Variants in PTPRN2 observed in about 807,000 individuals in gnomAD.
The protein encoded by PTPRN2 is protein tyrosine phosphatase receptor type N2.
Under a neutral mutation model 118.8 loss-of-function variants are expected in PTPRN2, and 74 were observed. The ratio of observed to expected loss-of-function variants is 0.62; its 90% confidence interval spans 0.52 to 0.76. The LOEUF (loss-of-function observed/expected upper bound fraction) is 0.76. PTPRN2 is among the 30% of genes least tolerant of loss of function. PTPRN2 has a pLI of 0.00. For synonymous variants in PTPRN2, 641 were observed against 608.0 expected, an observed-to-expected ratio of 1.05 and a Z score of -0.80; for missense variants, 1,481 against 1,394.4, an observed-to-expected ratio of 1.06 and a Z score of -0.99.
intron 11 of PTPRN2, among the ~76,000 whole-genome samples, chr7:158,071,583 C>CGTGG (rs1554528515): frequency 2.8e-4 from 3 of 10,648 alleles, no homozygotes; most frequent in Non-Finnish European, 3.3e-4. Flanking sequence ...GGAGGTGCTC[C>CGTGG]TGGTGGAGGT....
intron 1 of PTPRN2, among the ~76,000 whole-genome samples, chr7:158,543,368 C>G (rs1449544227): frequency 6.6e-6 from 1 of 152,244 alleles, no homozygotes; most frequent in African/African-American, 2.4e-5. Flanking sequence ...GCCGGCTGTT[C>G]CCAGCAGGGC....
At chr7:157,593,990 C>T (rs183528314) in intron 17 of PTPRN2, among the ~76,000 whole-genome samples, 26 of 152,332 alleles carry the variant, frequency 1.7e-4, no homozygotes, top group South Asian at 1.0e-3. Flanking sequence ...GGCAGGAGGT[C>T]ATACCGATGT....
At chr7:158,352,431 C>T (rs902496130) in intron 2 of PTPRN2, among the ~76,000 whole-genome samples, 1 of 152,222 alleles carries the variant, frequency 6.6e-6, no homozygotes, top group East Asian at 1.9e-4. Flanking sequence ...ACCCAAGGAT[C>T]AGCTTCGATA....
chr7:157,801,654 A>C lies in PTPRN2; in HGVS notation c.1788+97019T>G, dbSNP rs7803301. ...AGGCCTAAAAATAATAATTTTCTCT[A>C]GGGAAAAATTTGATGGGCACGCTAT... On this transcript the variant is annotated intron_variant, in intron 12 of 22. Transcript: ENST00000389418. The surrounding 1 kb of genome is among the most constrained non-coding windows in gnomAD (Gnocchi z 4.2). Among the ~76,000 whole-genome samples the C allele has an allele frequency of 0.23, 35,480 of 152,078 alleles. 4,322 individuals are homozygous for C. Among genetic ancestry groups the C allele is most frequent in the Middle Eastern group, 0.28 (83 of 294 alleles).
At chr7:158,121,662 A>G (rs550185183) in intron 9 of PTPRN2, among the ~76,000 whole-genome samples, 3 of 152,352 alleles carry the variant, frequency 2.0e-5, no homozygotes, top group South Asian at 2.1e-4. Context: ...GGAAACCAAC[A>G]GAAGCATCCA....
chr7:157,810,664 G>C (rs1210731591), intron 12 of PTPRN2, among the ~76,000 whole-genome samples: 1 of 127,370 alleles, frequency 7.9e-6, no homozygotes, highest in Non-Finnish European at 1.6e-5. Context: ...ACTGCTGGGG[G>C]CTGGGCTCTT....
chr7:157,841,944 C>A (rs543971818), intron 12 of PTPRN2, among the ~76,000 whole-genome samples: 1 of 152,056 alleles, frequency 6.6e-6, no homozygotes, highest in Non-Finnish European at 1.5e-5. Flanking sequence ...CTCCCTTTCT[C>A]TCCCCCATAA....
intron 3 of PTPRN2, among the ~76,000 whole-genome samples, chr7:158,315,801 G>C (rs1802272227): frequency 6.6e-6 from 1 of 152,250 alleles, no homozygotes; most frequent in Non-Finnish European, 1.5e-5. Flanking sequence ...GAAGTACTAA[G>C]ATATGAATGT....
In PTPRN2 at chr7:157,615,107, A is replaced by AT. The variant is rs1802671641; in HGVS notation, c.2344+6254_2344+6255insA. Among the ~76,000 whole-genome samples, 1 of 152,226 alleles carries AT rather than the reference A, an allele frequency of 6.6e-6. No individual in the cohort carries two copies. Among genetic ancestry groups the AT allele is most frequent in the Non-Finnish European group, 1.5e-5 (1 of 68,036 alleles). On this transcript the variant is annotated intron_variant, in intron 15 of 22. Transcript: ENST00000389418. This position sits in a 1 kb window ranked among gnomAD's most constrained non-coding sequence, Gnocchi z 4.3. ...ACTTGAAGTCGTCCAGCCAGAAAAT[A>AT]AATGAAGTGCTCGCAGGTCACGCTA...
chr7:158,412,719 C>A (rs1257250036), intron 2 of PTPRN2, among the ~76,000 whole-genome samples: 1 of 135,450 alleles, frequency 7.4e-6, no homozygotes, highest in African/African-American at 2.8e-5. Context: ...CTCCAGGGCC[C>A]ATCCAGCGCC....
At chr7:158,062,404 G>A (rs139920755) in intron 11 of PTPRN2, among the ~76,000 whole-genome samples, 320 of 152,346 alleles carry the variant, frequency 2.1e-3, no homozygotes, top group African/African-American at 7.3e-3. Context: ...AGGTGATGGC[G>A]TGCTGGCAGC....
intron 1 of PTPRN2, among the ~76,000 whole-genome samples, chr7:158,548,494 C>T (rs574652593): frequency 4.6e-5 from 7 of 152,352 alleles, no homozygotes; most frequent in South Asian, 2.1e-4. Flanking sequence ...CACCGAGCTC[C>T]GCCCGCTCTT....
rs1192520059 is a variant in PTPRN2, at chr7:157,583,436, G to A, written c.2497-5296C>T. Among the ~76,000 whole-genome samples, 1 of 152,130 alleles carries A rather than the reference G, an allele frequency of 6.6e-6. No homozygotes were observed. The highest frequency in any genetic ancestry group is 2.4e-5 in the African/African-American group (1 of 41,436). ...AGTTAATAAGAGTGTTGGGCACAGA[G>A]ATTTGCCAGGAGAGTAGGCTTCAGG... is the stretch of plus-strand genomic sequence containing the variant. On this transcript the variant is annotated intron_variant, in intron 17 of 22. Coordinates refer to ENST00000389418, the MANE Select transcript of PTPRN2 (RefSeq NM_002847.5). This position sits in a 1 kb window ranked among gnomAD's most constrained non-coding sequence, Gnocchi z 5.5.
intron 11 of PTPRN2, among the ~76,000 whole-genome samples, chr7:158,043,301 A>T (rs1205365946): frequency 2.6e-5 from 4 of 152,230 alleles, no homozygotes; most frequent in Non-Finnish European, 4.4e-5. Flanking sequence ...GACAGAAAAA[A>T]GTGTCACCTT....
At chr7:158,255,345 T>C (rs1796955631) in intron 3 of PTPRN2, among the ~76,000 whole-genome samples, 1 of 152,158 alleles carries the variant, frequency 6.6e-6, no homozygotes, top group Non-Finnish European at 1.5e-5. Context: ...GGCCGGGCTC[T>C]GGAAGAAAGT....
chr7:157,822,300 C>A (rs1806895722), intron 12 of PTPRN2, among the ~76,000 whole-genome samples: 2 of 151,560 alleles, frequency 1.3e-5, no homozygotes, highest in Admixed American at 6.6e-5. Flanking sequence ...TCCATCCACC[C>A]ATCTGCTATC....
At chr7:158,324,016 C>T (rs552855221) in intron 2 of PTPRN2, among the ~76,000 whole-genome samples, 89 of 119,038 alleles carry the variant, frequency 7.5e-4, no homozygotes, top group African/African-American at 2.8e-3. Flanking sequence ...CTTGATTATG[C>T]AGACACACAC....
chr7:158,413,824 C>G (rs1814402704), intron 2 of PTPRN2, among the ~76,000 whole-genome samples: 1 of 152,228 alleles, frequency 6.6e-6, no homozygotes, highest in East Asian at 1.9e-4. Flanking sequence ...GCCTTTTCAG[C>G]TCAACCTGGG....
At chr7:157,773,246 G>A (rs917772360) in intron 12 of PTPRN2, among the ~76,000 whole-genome samples, 3 of 152,192 alleles carry the variant, frequency 2.0e-5, no homozygotes, top group East Asian at 1.9e-4. Context: ...GTCATGCTCC[G>A]GCTGGCCTTT....
Sources: allele counts gnomAD v4.1 joint callset (sites outside exome capture counted in the v4.1 genomes callset), GRCh38; gene constraint gnomAD v4.1.1; non-coding constraint Gnocchi (gnomAD v3.1); transcripts MANE v1.5; gene names NCBI Gene and HGNC (gene_info 2026-07-23, HGNC 2026-07-21).